Variants in CMC2 observed in about 807,000 individuals in gnomAD.
The protein encoded by CMC2 is COX assembly mitochondrial protein 2 homolog.
CMC2 carries 5 observed loss-of-function variants against 7.5 expected under a neutral mutation model. That is an observed-to-expected ratio of 0.66 (90% CI 0.35 to 1.40). CMC2 has a LOEUF of 1.40. Ranked by LOEUF, CMC2 falls within the 40% of genes most tolerant of loss-of-function variation. The probability of loss-of-function intolerance (pLI) is 0.04; values close to 1 mark genes in which losing one functional copy is unlikely to be tolerated. For missense variants in CMC2, 115 were observed against 92.3 expected, an observed-to-expected ratio of 1.25 and a Z score of -1.01; for synonymous variants, 37 against 31.4, an observed-to-expected ratio of 1.18 and a Z score of -0.60.
chr16:80,999,864 T>G (rs1968728177), intron 1 of CMC2, among the ~76,000 whole-genome samples: 1 of 152,182 alleles, frequency 6.6e-6, no homozygotes, highest in Non-Finnish European at 1.5e-5. Context: ...AGAATAAAAG[T>G]GGACCCCTAC....
At position 80,973,259 on chromosome 16, in the gene CMC2, C is replaced by G. The variant is rs888891174; in HGVS notation, c.*2834G>C. On this transcript the variant is annotated 3_prime_UTR_variant, in exon 4 of 4. Coordinates refer to ENST00000219400, the MANE Select transcript of CMC2 (RefSeq NM_020188.5). ...GCCCTTCCTTCTGCCTCATATTAAG[C>G]CCCTCACCCCTTTACCCCCTGCCCC... is the stretch of plus-strand genomic sequence containing the variant. 1 of 152,202 alleles carries G rather than the reference C, an allele frequency of 6.6e-6. No individual in the cohort carries two copies. Among genetic ancestry groups the G allele is most frequent in the Non-Finnish European group, 1.5e-5 (1 of 68,076 alleles). The allele number at this position is 152,202 out of a possible 1,614,324, so 9.4% of individuals were successfully genotyped here.
At chr16:81,006,676 G>A (rs1969379776) in intron 1 of CMC2, 58 bp downstream of exon 1, 1 of 980,622 alleles carries the variant, frequency 1.0e-6, no homozygotes, top group Non-Finnish European at 1.2e-6. Flanking sequence ...CGCGCCATCA[G>A]GGACCTGAGG....
intron 2 of CMC2, among the ~76,000 whole-genome samples, chr16:80,995,311 G>C (rs982577881): frequency 6.8e-6 from 1 of 148,078 alleles, no homozygotes; most frequent in Non-Finnish European, 1.5e-5. Context: ...AATGACATGT[G>C]CAACAGCATG....
chr16:80,976,348 A>C (rs1375424560), intron 3 of CMC2, among the ~76,000 whole-genome samples, 169 bp from the exon 4 acceptor site: 1 of 152,242 alleles, frequency 6.6e-6, no homozygotes, highest in Non-Finnish European at 1.5e-5. Context: ...TTATTTAACC[A>C]AATCTGAGAT....
intron 2 of CMC2, among the ~76,000 whole-genome samples, chr16:80,987,864 C>T (rs905982626): frequency 2.0e-5 from 3 of 152,072 alleles, no homozygotes; most frequent in Non-Finnish European, 4.4e-5. Context: ...ATATAATTCA[C>T]TCGATTTATT....
chr16:80,981,079 C>CAA (rs35505789), intron 3 of CMC2, among the ~76,000 whole-genome samples: 42 of 118,028 alleles, frequency 3.6e-4, no homozygotes, highest in Non-Finnish European at 6.4e-4. Context: ...CAATATGAGG[C>CAA]AAAAAAAAAA....
rs1433974004 is a variant in CMC2, at chr16:80,973,673, G to A, written c.*2420C>T. 1.3e-5 allele frequency: 2 copies of A among 152,162 alleles called. No individual in the cohort carries two copies. The highest frequency in any genetic ancestry group is 3.9e-4 in the East Asian group (2 of 5,182). The allele number at this position is 152,162 out of a possible 1,614,324, so 9.4% of individuals were successfully genotyped here. ...GTGTGTTCTGGCCCTGCCCACCTGT[G>A]TCCTCAGCTCATGCCACCCTCCCCC... On this transcript the variant is annotated 3_prime_UTR_variant, in exon 4 of 4. Coordinates refer to ENST00000219400, the MANE Select transcript of CMC2 (RefSeq NM_020188.5).
intron 3 of CMC2, among the ~76,000 whole-genome samples, chr16:80,978,044 C>A (rs1345420155): frequency 6.8e-6 from 1 of 146,286 alleles, no homozygotes; most frequent in East Asian, 2.0e-4. Context: ...AGCACTCCAG[C>A]CTGGGTGACA....
Position 80,973,900 on chromosome 16 carries a change from T to C in CMC2, c.*2193A>G, listed in dbSNP as rs184802112. Reference sequence around the variant, plus strand: ...TAAAAACGTACTCATATATTACTTATAAAATTTTTAAGAATGAACTTCCAA... The same window carrying C: ...TAAAAACGTACTCATATATTACTTACAAAATTTTTAAGAATGAACTTCCAA... On this transcript the variant is annotated 3_prime_UTR_variant, in exon 4 of 4. Coordinates refer to ENST00000219400, the MANE Select transcript of CMC2 (RefSeq NM_020188.5). 1.3e-5 allele frequency: 2 copies of C among 152,332 alleles called. No individual in the cohort carries two copies. Among genetic ancestry groups the C allele is most frequent in the African/African-American group, 4.8e-5 (2 of 41,566 alleles). The allele number at this position is 152,332 out of a possible 1,614,324, so 9.4% of individuals were successfully genotyped here.
intron 2 of CMC2, chr16:80,992,005 GAGTA>G (rs1968034237): frequency 2.2e-6 from 1 of 449,090 alleles, no homozygotes; most frequent in African/African-American, 2.0e-5. Context: ...GAAGCAATCT[GAGTA>G]AGCATGGACT....
intron 3 of CMC2, among the ~76,000 whole-genome samples, chr16:80,978,631 G>A (rs1343073284): frequency 2.0e-5 from 3 of 151,846 alleles, no homozygotes; most frequent in Non-Finnish European, 2.9e-5. Context: ...AACTTTGGGA[G>A]GCCAAGATGG....
chr16:80,978,796 T>A (rs945209489), intron 3 of CMC2, among the ~76,000 whole-genome samples: 15 of 152,004 alleles, frequency 9.9e-5, no homozygotes, highest in African/African-American at 3.6e-4. Context: ...AAAAGCTTCA[T>A]GGAGGCTGGG....
intron 1 of CMC2, among the ~76,000 whole-genome samples, chr16:81,002,530 G>A (rs530238951): frequency 1.3e-5 from 2 of 152,114 alleles, no homozygotes; most frequent in South Asian, 2.1e-4. Context: ...TCTATCAACC[G>A]GCACTCAAAT....
intron 2 of CMC2, among the ~76,000 whole-genome samples, chr16:80,994,100 A>T (rs1162718066): frequency 6.6e-6 from 1 of 152,228 alleles, no homozygotes; most frequent in Non-Finnish European, 1.5e-5. Context: ...GCAGGGATAG[A>T]ACAGTCTCTT....
intron 1 of CMC2, among the ~76,000 whole-genome samples, chr16:80,999,118 G>A (rs28838573): frequency 0.062 from 9,420 of 152,138 alleles, 941 homozygotes; most frequent in African/African-American, 0.21. Context: ...AGAAATAAAA[G>A]GCATCCGAAT....
intron 2 of CMC2, among the ~76,000 whole-genome samples, chr16:80,994,732 T>C (rs1968270104): frequency 2.0e-5 from 3 of 152,236 alleles, no homozygotes; most frequent in African/African-American, 7.2e-5. Context: ...TGTAGAGTAG[T>C]ATAAAATGGA....
chr16:80,968,906 G>A lies in CMC2; in HGVS notation c.*7187C>T, dbSNP rs1332375227. 2.0e-5 allele frequency: 3 copies of A among 152,208 alleles called. No homozygotes were observed. The highest frequency in any genetic ancestry group is 2.1e-4 in the South Asian group (1 of 4,828). The allele number at this position is 152,208 out of a possible 1,614,324, so 9.4% of individuals were successfully genotyped here. A position where few individuals can be genotyped will look rare whatever the true frequency, so the allele number is the denominator to read the frequency against. ...AAGATGGAAGATACTGAGTCTCTAC[G>A]AGGAATGGTGTGAGAAACAAGAATA... On this transcript the variant is annotated 3_prime_UTR_variant, in exon 4 of 4. Coordinates refer to ENST00000219400, the MANE Select transcript of CMC2 (RefSeq NM_020188.5).
chr16:80,990,908 T>C (rs1461689244), intron 2 of CMC2, among the ~76,000 whole-genome samples: 1 of 151,944 alleles, frequency 6.6e-6, no homozygotes, highest in Non-Finnish European at 1.5e-5. Context: ...TAATTTTTTC[T>C]AGAAACAGGT....
chr16:80,984,161 C>A (rs1042356688), intron 2 of CMC2: 2 of 152,124 alleles, frequency 1.3e-5, no homozygotes, highest in Non-Finnish European at 2.9e-5. Context: ...AGTATGCGTG[C>A]TCTAAAGCAG....
Sources: allele counts gnomAD v4.1 joint callset (sites outside exome capture counted in the v4.1 genomes callset), GRCh38; gene constraint gnomAD v4.1.1; transcripts MANE v1.5; gene names NCBI Gene and HGNC (gene_info 2026-07-23, HGNC 2026-07-21).